Variants in TEAD1 observed in about 807,000 individuals in gnomAD.
The protein encoded by TEAD1 is TEA domain transcription factor 1, also known as transcriptional enhancer factor TEF-1.
Under a neutral mutation model 54.9 loss-of-function variants are expected in TEAD1, and 9 were observed. The observed-to-expected ratio is 0.16, with a 90% CI of 0.10 to 0.29. The LOEUF (loss-of-function observed/expected upper bound fraction) is 0.29, where lower values mean the gene tolerates loss of function less well. Among genes scored for constraint, TEAD1 ranks in the 10% least tolerant of loss-of-function variants. The probability of loss-of-function intolerance (pLI) is 1.00; values close to 1 mark genes in which losing one functional copy is unlikely to be tolerated. For missense variants in TEAD1, 387 were observed against 535.9 expected, an observed-to-expected ratio of 0.72 and a Z score of 2.74; for synonymous variants, 200 against 187.8, an observed-to-expected ratio of 1.07 and a Z score of -0.53.
At chr11:12,677,757 A>G (rs1943127922) in intron 2 of TEAD1, among the ~76,000 whole-genome samples, 1 of 152,246 alleles carries the variant, frequency 6.6e-6, no homozygotes, top group Non-Finnish European at 1.5e-5. Context: ...AGACTTTTGA[A>G]GAAATGAGCT....
chr11:12,852,375 C>T (rs765317868), intron 3 of TEAD1, among the ~76,000 whole-genome samples: 1 of 151,816 alleles, frequency 6.6e-6, no homozygotes, highest in Non-Finnish European at 1.5e-5. Context: ...GCCTGAGAGC[C>T]TGTGGGTAGC....
At chr11:12,779,680 C>A in intron 3 of TEAD1, among the ~76,000 whole-genome samples, 1 of 152,114 alleles carries the variant, frequency 6.6e-6, no homozygotes, top group South Asian at 2.1e-4. Flanking sequence ...TATAAAACTC[C>A]TCCACAAAAT....
intron 3 of TEAD1, among the ~76,000 whole-genome samples, chr11:12,855,407 A>G (rs1363410866): frequency 6.6e-6 from 1 of 151,898 alleles, no homozygotes; most frequent in Non-Finnish European, 1.5e-5. Context: ...CTCCTGCCTC[A>G]GCCCCCCGAG....
At chr11:12,806,420 G>C (rs1946173231) in intron 3 of TEAD1, among the ~76,000 whole-genome samples, 2 of 152,212 alleles carry the variant, frequency 1.3e-5, no homozygotes, top group African/African-American at 4.8e-5. Context: ...AGTGGAAAAG[G>C]GTTATTGGCT....
rs572860096 is a variant in TEAD1 at position 12,939,714 on chromosome 11, T to C, written c.*2492T>C. 1.3e-5 allele frequency: 2 copies of C among 152,410 alleles called. No homozygotes were observed. The highest frequency in any genetic ancestry group is 2.9e-5 in the Non-Finnish European group (2 of 68,082). 9.4% of individuals were successfully genotyped at this position (152,410 alleles called of 1,614,324 possible). A position where few individuals can be genotyped will look rare whatever the true frequency, so the allele number is the denominator to read the frequency against. ...ATTGACCTTGAGGTTTACTCCTTGC[T>C]CTTACAACATTTCTAAGGATTTTTA... On this transcript the variant is annotated 3_prime_UTR_variant, in exon 13 of 13. Transcript: ENST00000527636.
At chr11:12,827,074 T>C (rs370765919) in intron 3 of TEAD1, among the ~76,000 whole-genome samples, 7 of 152,216 alleles carry the variant, frequency 4.6e-5, no homozygotes, top group Non-Finnish European at 7.3e-5. Flanking sequence ...TCTGTTGTTA[T>C]TGTTTTTAGG....
In TEAD1 at chr11:12,942,509, G is replaced by GC. The variant is rs1949170949; in HGVS notation, c.*5290dup. On this transcript the variant is annotated 3_prime_UTR_variant, in exon 13 of 13. Coordinates refer to ENST00000527636, the MANE Select transcript of TEAD1 (RefSeq NM_021961.6). The stretch of plus-strand genomic sequence containing the variant: ...GTGTGTCATTTCACCTCGTCACCCA[G>GC]CCCTGCGTCCGGATGAGGGGACTTC... The GC allele has an allele frequency of 6.6e-6, 1 of 152,178 alleles. No homozygotes were observed. The highest frequency in any genetic ancestry group is 1.5e-5 in the Non-Finnish European group (1 of 68,040). 9.4% of individuals were successfully genotyped at this position (152,178 alleles called of 1,614,324 possible).
intron 5 of TEAD1, chr11:12,879,506 G>A (rs1450920055): frequency 1.4e-6 from 1 of 701,054 alleles, no homozygotes; most frequent in African/African-American, 1.7e-5. Flanking sequence ...GCCCCATTGG[G>A]TCTTCCCAGT....
intron 10 of TEAD1, among the ~76,000 whole-genome samples, chr11:12,917,856 A>T (rs190008361): frequency 3.9e-4 from 59 of 152,344 alleles, no homozygotes; most frequent in Non-Finnish European, 6.8e-4. Context: ...GTTTTTTAAC[A>T]CTGCAGAACC....
At chr11:12,680,663 A>T (rs536209584) in intron 2 of TEAD1, among the ~76,000 whole-genome samples, 1 of 152,198 alleles carries the variant, frequency 6.6e-6, no homozygotes, top group Non-Finnish European at 1.5e-5. Context: ...GCATGCATGC[A>T]TTCTGCAGGT....
chr11:12,755,911 G>A (rs563059573), intron 2 of TEAD1, among the ~76,000 whole-genome samples: 1 of 152,268 alleles, frequency 6.6e-6, no homozygotes, highest in East Asian at 1.9e-4. Flanking sequence ...GAAGGGGCAG[G>A]ATTTCTGTTC....
At chr11:12,795,018 A>G (rs1006305276) in intron 3 of TEAD1, among the ~76,000 whole-genome samples, 4 of 152,294 alleles carry the variant, frequency 2.6e-5, no homozygotes, top group East Asian at 1.9e-4. Context: ...CCATAACACA[A>G]TAGTGTAAAC....
chr11:12,934,943 T>C (rs1328651834), intron 12 of TEAD1, among the ~76,000 whole-genome samples: 1 of 151,838 alleles, frequency 6.6e-6, no homozygotes, highest in Admixed American at 6.6e-5. Flanking sequence ...AGTGATGAGG[T>C]AGGGATTCTC....
Position 12,764,164 on chromosome 11 carries a change from G to T in TEAD1, c.-54-15G>T. 3 of 1,523,762 alleles carry T rather than the reference G, an allele frequency of 2.0e-6. No homozygotes were observed. The highest frequency in any genetic ancestry group is 1.2e-5 in the South Asian group (1 of 80,066). 94.4% of individuals were successfully genotyped at this position (1,523,762 alleles called of 1,614,324 possible). On this transcript the variant is annotated splice_polypyrimidine_tract_variant and intron_variant, in intron 2 of 12. Coordinates refer to ENST00000527636, the MANE Select transcript of TEAD1 (RefSeq NM_021961.6). Reference sequence around the variant, plus strand: ...GTTACCACATCCTTATACTGTTTTTGGTTTTCTCTTCTAGGTTTATTTTCT... The same window carrying T: ...GTTACCACATCCTTATACTGTTTTTTGTTTTCTCTTCTAGGTTTATTTTCT...
chr11:12,729,751 C>T (rs1590091641), intron 2 of TEAD1, among the ~76,000 whole-genome samples: 2 of 152,176 alleles, frequency 1.3e-5, no homozygotes, highest in African/African-American at 4.8e-5. Flanking sequence ...CCTGTGTGAT[C>T]TCTAAGCCTC....
chr11:12,841,183 A>G (rs995608129), intron 3 of TEAD1, among the ~76,000 whole-genome samples: 1 of 152,266 alleles, frequency 6.6e-6, no homozygotes, highest in African/African-American at 2.4e-5. Context: ...AAAAATATGT[A>G]GCCTCTGTGG....
chr11:12,721,559 C>G (rs1250283576), intron 2 of TEAD1, among the ~76,000 whole-genome samples: 1 of 152,206 alleles, frequency 6.6e-6, no homozygotes, highest in Non-Finnish European at 1.5e-5. Context: ...TGTAGATACT[C>G]TCTGTCAGCT....
intron 2 of TEAD1, among the ~76,000 whole-genome samples, chr11:12,721,112 C>G (rs1348069546): frequency 6.6e-6 from 1 of 152,202 alleles, no homozygotes. Context: ...TCACTTACTG[C>G]CTGGTGTATT....
chr11:12,892,108 G>T (rs1453902210), intron 9 of TEAD1, among the ~76,000 whole-genome samples: 1 of 152,184 alleles, frequency 6.6e-6, no homozygotes, highest in African/African-American at 2.4e-5. Context: ...ATTCTTTCTC[G>T]TAAAGGCAGT....
Sources: allele counts gnomAD v4.1 joint callset (sites outside exome capture counted in the v4.1 genomes callset), GRCh38; gene constraint gnomAD v4.1.1; transcripts MANE v1.5; gene names NCBI Gene and HGNC (gene_info 2026-07-23, HGNC 2026-07-21).